PLPPR1: variants seen among roughly 807,000 people sequenced by gnomAD.
PLPPR1 encodes the protein phospholipid phosphatase-related protein type 1.
PLPPR1 carries 10 observed loss-of-function variants against 33.1 expected under a neutral mutation model. The observed-to-expected ratio is 0.30, with a 90% CI of 0.19 to 0.51. The LOEUF is 0.51. Ranked by LOEUF, PLPPR1 falls within the 20% of genes least tolerant of loss-of-function variation. The pLI, the probability that PLPPR1 is intolerant of heterozygous loss-of-function variation, is 0.97. For missense variants in PLPPR1, 304 were observed against 408.1 expected (o/e 0.74, Z 2.20); for synonymous variants, 151 against 151.0 (o/e 1.00, Z 0.00).
At chr9:101,170,729 G>T (rs1825930322) in intron 1 of PLPPR1, among the ~76,000 whole-genome samples, 1 of 152,046 alleles carries the variant, frequency 6.6e-6, no homozygotes, top group South Asian at 2.1e-4. Flanking sequence ...TGAGTCCAGG[G>T]GTTTAAGATC....
intron 2 of PLPPR1, among the ~76,000 whole-genome samples, chr9:101,220,170 C>A (rs2118787844): frequency 6.6e-6 from 1 of 152,184 alleles, no homozygotes; most frequent in Middle Eastern, 3.4e-3. Context: ...TTGTAACAAC[C>A]CAAAATGTCT....
At chr9:101,206,543 A>G (rs1268913536) in intron 2 of PLPPR1, among the ~76,000 whole-genome samples, 1 of 152,114 alleles carries the variant, frequency 6.6e-6, no homozygotes, top group African/African-American at 2.4e-5. Flanking sequence ...TTGTGGGCAC[A>G]TTGCCCAACC....
At chr9:101,297,861 A>G (rs1828678079) in intron 4 of PLPPR1, among the ~76,000 whole-genome samples, 1 of 152,150 alleles carries the variant, frequency 6.6e-6, no homozygotes, top group Non-Finnish European at 1.5e-5. Context: ...AGCAACACAG[A>G]TTTATGTTCT....
intron 1 of PLPPR1, among the ~76,000 whole-genome samples, chr9:101,159,145 A>G (rs192930540): frequency 2.9e-4 from 44 of 152,304 alleles, no homozygotes; most frequent in Admixed American, 2.6e-3. Context: ...CTCTTATTTG[A>G]TTTAAAATAA....
intron 1 of PLPPR1, among the ~76,000 whole-genome samples, chr9:101,070,833 T>C (rs1830474691): frequency 6.6e-6 from 1 of 152,146 alleles, no homozygotes; most frequent in Admixed American, 6.6e-5. Flanking sequence ...GATTTTGTTT[T>C]TGTTCTGCAT....
At chr9:101,151,040 T>G (rs1831578925) in intron 1 of PLPPR1, among the ~76,000 whole-genome samples, 1 of 152,126 alleles carries the variant, frequency 6.6e-6, no homozygotes, top group Non-Finnish European at 1.5e-5. Flanking sequence ...CCTGTAATAG[T>G]CTTAAACATG....
At chr9:101,046,631 A>G (rs181259093) in intron 1 of PLPPR1, among the ~76,000 whole-genome samples, 87 of 151,408 alleles carry the variant, frequency 5.7e-4, no homozygotes, top group African/African-American at 1.6e-3. Context: ...TTTAGTAGAG[A>G]CAAAACTTTC....
At chr9:101,185,605 A>G (rs1426966665) in intron 2 of PLPPR1, 48 bp downstream of exon 2, 1 of 1,199,386 alleles carries the variant, frequency 8.3e-7, no homozygotes, top group Non-Finnish European at 1.2e-6. Flanking sequence ...TAAAAGTAAC[A>G]GTTTTTATTC....
intron 1 of PLPPR1, among the ~76,000 whole-genome samples, chr9:101,175,244 G>T (rs151323175): frequency 2.6e-5 from 4 of 152,128 alleles, no homozygotes; most frequent in Non-Finnish European, 5.9e-5. Flanking sequence ...AACTAGGGCT[G>T]CATTATTATT....
chr9:101,179,365 C>A lies in PLPPR1; in HGVS notation c.-45-6085C>A, dbSNP rs573537842. On this transcript the variant is annotated intron_variant, in intron 1 of 7. Transcript: ENST00000374874. ...ATGGGTAGTAGAAGAAGTTAATCAC[C>A]AATACCAGCTATGACCACTTGACCA... Among the ~76,000 whole-genome samples the A allele has an allele frequency of 2.0e-5, 3 of 152,226 alleles. No homozygotes were observed. The East Asian group carries it at 5.8e-4, about 29-fold the overall frequency.
At chr9:101,078,027 G>C (rs1830561183) in intron 1 of PLPPR1, among the ~76,000 whole-genome samples, 1 of 147,590 alleles carries the variant, frequency 6.8e-6, no homozygotes, top group Non-Finnish European at 1.5e-5. Context: ...TAGACCTGGA[G>C]GAGCTAGGAG....
At chr9:101,153,378 C>T (rs547674538) in intron 1 of PLPPR1, among the ~76,000 whole-genome samples, 3 of 152,178 alleles carry the variant, frequency 2.0e-5, no homozygotes, top group African/African-American at 7.2e-5. Context: ...AATTGAATAC[C>T]TTTATTTCTT....
intron 2 of PLPPR1, among the ~76,000 whole-genome samples, chr9:101,243,007 A>G (rs1369693276): frequency 6.6e-6 from 1 of 152,130 alleles, no homozygotes; most frequent in Non-Finnish European, 1.5e-5. Flanking sequence ...GTGAACACTT[A>G]TTATGCCTCA....
intron 1 of PLPPR1, among the ~76,000 whole-genome samples, chr9:101,112,522 T>C (rs575409157): frequency 1.3e-5 from 2 of 152,332 alleles, no homozygotes; most frequent in South Asian, 2.1e-4. Context: ...GATGGTTTAA[T>C]ACAGAAGCTA....
At chr9:101,166,158 A>C (rs1484807472) in intron 1 of PLPPR1, among the ~76,000 whole-genome samples, 1 of 152,098 alleles carries the variant, frequency 6.6e-6, no homozygotes, top group East Asian at 1.9e-4. Context: ...GCACGTCCAC[A>C]TTGCCTGGGC....
intron 2 of PLPPR1, among the ~76,000 whole-genome samples, chr9:101,266,475 C>T (rs1159317058): frequency 2.0e-5 from 3 of 151,662 alleles, no homozygotes; most frequent in South Asian, 4.2e-4. Context: ...TCTGGCTGCT[C>T]GGGGGAAGAG....
chr9:101,194,793 A>G (rs1298712631), intron 2 of PLPPR1, among the ~76,000 whole-genome samples: 1 of 151,950 alleles, frequency 6.6e-6, no homozygotes, highest in Non-Finnish European at 1.5e-5. Flanking sequence ...GTGCAATTAC[A>G]TGTAGTTTTT....
intron 1 of PLPPR1, among the ~76,000 whole-genome samples, chr9:101,055,456 TA>T: frequency 6.6e-6 from 1 of 152,354 alleles, no homozygotes; most frequent in South Asian, 2.1e-4. Flanking sequence ...GTGTTTCAAG[TA>T]AATCAAAAGA....
At position 101,057,719 on chromosome 9, in the gene PLPPR1, G is replaced by A. The variant is rs374671908; in HGVS notation, c.-46+28617G>A. Among the ~76,000 whole-genome samples, 23 of 152,230 alleles carry A rather than the reference G, an allele frequency of 1.5e-4. No homozygotes were observed. The South Asian group carries it at 4.6e-3, about 30-fold the overall frequency. On this transcript the variant is annotated intron_variant, in intron 1 of 7. Coordinates refer to ENST00000374874, the MANE Select transcript of PLPPR1 (RefSeq NM_207299.2). ...ACTGAGATTTAGAGATATTATCTTA[G>A]TAAATAAGAAGCCTGGAGGTTGAAC...
Sources: gnomAD v4.1 joint callset for allele counts (sites outside exome capture counted in the v4.1 genomes callset) on GRCh38, gnomAD v4.1.1 for gene constraint, MANE v1.5 for transcripts, NCBI Gene and HGNC (gene_info 2026-07-23, HGNC 2026-07-21) for gene names.